Variants in NT5C2 observed in about 807,000 individuals in gnomAD.
NT5C2 encodes the protein cytosolic purine 5'-nucleotidase.
Under a neutral mutation model 76.1 loss-of-function variants are expected in NT5C2, and 58 were observed. The ratio of observed to expected loss-of-function variants is 0.76; its 90% CI spans 0.62 to 0.95. The LOEUF is 0.95. Among genes scored for constraint, NT5C2 ranks in the 40% least tolerant of loss-of-function variants. The pLI, the probability that NT5C2 is intolerant of heterozygous loss-of-function variation, is 0.00. For synonymous variants in NT5C2, 229 were observed against 237.4 expected (o/e 0.96, Z 0.32); for missense variants, 478 against 690.3 (o/e 0.69, Z 3.45).
chr10:103,184,469 T>A (rs564263609), intron 1 of NT5C2, among the ~76,000 whole-genome samples: 1 of 152,324 alleles, frequency 6.6e-6, no homozygotes, highest in Non-Finnish European at 1.5e-5. Flanking sequence ...TTTTTGCACA[T>A]AACCCTTACA....
At chr10:103,192,728 AGGCGACC>A (rs2092728819) in intron 1 of NT5C2, among the ~76,000 whole-genome samples, 2 of 152,138 alleles carry the variant, frequency 1.3e-5, no homozygotes, top group African/African-American at 4.8e-5. Flanking sequence ...GCTTCTCGGG[AGGCGACC>A]GAGGAGCTCT....
At chr10:103,139,687 C>A (rs956815471) in intron 3 of NT5C2, among the ~76,000 whole-genome samples, 8 of 152,132 alleles carry the variant, frequency 5.3e-5, no homozygotes, top group African/African-American at 1.9e-4. Context: ...ATGATTAATA[C>A]AGTCAAACAA....
rs762980266 is a variant in NT5C2 at position 103,101,075 on chromosome 10, TCTA to T, written c.506_508del (p.Val169del). 3 of 1,585,312 alleles carry T rather than the reference TCTA, an allele frequency of 1.9e-6. No homozygotes were observed. Among genetic ancestry groups the T allele is most frequent in the Non-Finnish European group, 2.6e-6 (3 of 1,153,866 alleles). ...ATATCTGGGACAATTAGTAAAAAAA[TCTA>T]CTAGGCAGGCCAACAGGTAGGTCTC... is the stretch of plus-strand genomic sequence containing the variant. On this transcript the variant is annotated inframe_deletion, in exon 8 of 19. Transcript: ENST00000404739.
chr10:103,090,917 C>T lies in NT5C2; in HGVS notation c.1272+19G>A. The T allele has an allele frequency of 6.2e-7, 1 of 1,612,664 alleles. No homozygotes were observed. The highest frequency in any genetic ancestry group is 8.5e-7 in the Non-Finnish European group (1 of 1,178,934). On this transcript the variant is annotated intron_variant, in intron 17 of 18. Coordinates refer to ENST00000404739, the MANE Select transcript of NT5C2 (RefSeq NM_001351169.2). Reference sequence around the variant, plus strand: ...TTAAACTTATTTCCCAAGTTTTCTCCCAAATCCCATTTGGATACCTTAATA... The same window carrying T: ...TTAAACTTATTTCCCAAGTTTTCTCTCAAATCCCATTTGGATACCTTAATA...
chr10:103,187,745 T>C (rs2092214228), intron 1 of NT5C2, among the ~76,000 whole-genome samples: 1 of 152,040 alleles, frequency 6.6e-6, no homozygotes, highest in Admixed American at 6.6e-5. Context: ...TCAAACAAAC[T>C]AGATAGAGAT....
intron 3 of NT5C2, among the ~76,000 whole-genome samples, chr10:103,150,243 C>T (rs2082173527): frequency 2.0e-5 from 3 of 152,188 alleles, no homozygotes. Context: ...TGGCCCTGAG[C>T]TACCACTAGT....
At chr10:103,181,483 AG>A (rs1412956434) in intron 1 of NT5C2, among the ~76,000 whole-genome samples, 155 bp from the exon 2 acceptor site, 1 of 152,196 alleles carries the variant, frequency 6.6e-6, no homozygotes, top group Admixed American at 6.5e-5. Context: ...CTGAAACTGT[AG>A]GGTAAGCCTG....
intron 3 of NT5C2, among the ~76,000 whole-genome samples, chr10:103,147,211 C>G (rs1241020504): frequency 6.6e-6 from 1 of 152,174 alleles, no homozygotes; most frequent in Non-Finnish European, 1.5e-5. Context: ...TTAGTCATCG[C>G]TCACTACCTA....
At chr10:103,174,552 CA>C (rs1399003582) in intron 3 of NT5C2, among the ~76,000 whole-genome samples, 1 of 152,052 alleles carries the variant, frequency 6.6e-6, no homozygotes, top group Admixed American at 6.6e-5. Flanking sequence ...GCCTGGGCAA[CA>C]GAGCAAGACT....
chr10:103,098,556 ATACC>A (rs2068764660), intron 10 of NT5C2: 1 of 195,570 alleles, frequency 5.1e-6, no homozygotes, highest in African/African-American at 2.4e-5. Flanking sequence ...GGCAACAATA[ATACC>A]TAACTCAAGG....
chr10:103,149,859 T>C (rs1234574988), intron 3 of NT5C2, among the ~76,000 whole-genome samples: 1 of 146,252 alleles, frequency 6.8e-6, no homozygotes, highest in Non-Finnish European at 1.5e-5. Flanking sequence ...ACTCTAGTAA[T>C]TAAAAAAAAA....
intron 4 of NT5C2, among the ~76,000 whole-genome samples, chr10:103,114,467 A>C (rs151319213): frequency 6.6e-6 from 1 of 152,110 alleles, no homozygotes; most frequent in African/African-American, 2.4e-5. Context: ...TAAATAAACA[A>C]AAACTCTTTC....
intron 9 of NT5C2, among the ~76,000 whole-genome samples, chr10:103,099,290 G>C (rs573237736): frequency 6.6e-6 from 1 of 152,264 alleles, no homozygotes; most frequent in South Asian, 2.1e-4. Flanking sequence ...GCCCAGGCTA[G>C]TCTTGAACTC....
chr10:103,169,073 CATG>C (rs1292526070), intron 3 of NT5C2, among the ~76,000 whole-genome samples: 1 of 151,992 alleles, frequency 6.6e-6, no homozygotes, highest in Non-Finnish European at 1.5e-5. Flanking sequence ...ATGACTACAT[CATG>C]ATGAGTACAG....
At chr10:103,157,259 AG>A (rs2083616601) in intron 3 of NT5C2, among the ~76,000 whole-genome samples, 1 of 152,148 alleles carries the variant, frequency 6.6e-6, no homozygotes. Context: ...AACTAATCCA[AG>A]GAACTAAAAA....
At chr10:103,126,775 G>A (rs1449116064) in intron 4 of NT5C2, among the ~76,000 whole-genome samples, 2 of 152,066 alleles carry the variant, frequency 1.3e-5, no homozygotes, top group African/African-American at 2.4e-5. Context: ...TGAATAATGC[G>A]GGTTTGAACT....
chr10:103,192,886 G>T (rs1306165231), intron 1 of NT5C2, among the ~76,000 whole-genome samples: 1 of 152,222 alleles, frequency 6.6e-6, no homozygotes, highest in Non-Finnish European at 1.5e-5. Context: ...AGGGCGGAAC[G>T]CGGCGAACGG....
chr10:103,118,254 C>T (rs1421746359), intron 4 of NT5C2, among the ~76,000 whole-genome samples: 3 of 152,060 alleles, frequency 2.0e-5, no homozygotes, highest in Admixed American at 6.6e-5. Context: ...ATGAACCTAA[C>T]AGCTATGTAA....
chr10:103,142,965 G>A (rs1405785901), intron 3 of NT5C2, among the ~76,000 whole-genome samples: 1 of 149,286 alleles, frequency 6.7e-6, no homozygotes, highest in African/African-American at 2.5e-5. Context: ...CTCCAGCCTG[G>A]GCTACAAAGC....
Sources: allele counts gnomAD v4.1 joint callset (sites outside exome capture counted in the v4.1 genomes callset), GRCh38; gene constraint gnomAD v4.1.1; transcripts MANE v1.5; gene names NCBI Gene and HGNC (gene_info 2026-07-23, HGNC 2026-07-21).